Variants in SEMA5A observed in about 807,000 individuals in gnomAD.
SEMA5A encodes the protein semaphorin-5A.
A neutral mutation model predicts 135.5 loss-of-function variants in SEMA5A; 55 were observed. The observed-to-expected ratio is 0.41, with a 90% confidence interval of 0.33 to 0.51. SEMA5A has a LOEUF of 0.51. Among genes scored for constraint, SEMA5A ranks in the 20% least tolerant of loss-of-function variants. The probability of loss-of-function intolerance (pLI) is 0.37; values close to 1 mark genes in which losing one functional copy is unlikely to be tolerated. For synonymous variants in SEMA5A, 580 were observed against 546.5 expected, an observed-to-expected ratio of 1.06 and a Z score of -0.85; for missense variants, 1,290 against 1,419.9, an observed-to-expected ratio of 0.91 and a Z score of 1.47.
chr5:9,324,621 T>C (rs1177585585), intron 4 of SEMA5A, among the ~76,000 whole-genome samples: 2 of 152,192 alleles, frequency 1.3e-5, no homozygotes, highest in Non-Finnish European at 2.9e-5. Flanking sequence ...GTCAATGACC[T>C]ACAAAGTTAA....
chr5:9,504,235 A>C (rs1262281408), intron 1 of SEMA5A, among the ~76,000 whole-genome samples: 5 of 151,476 alleles, frequency 3.3e-5, no homozygotes, highest in Admixed American at 2.0e-4. Context: ...AAAAAAAAAA[A>C]AAAACAAAAG....
intron 21 of SEMA5A, among the ~76,000 whole-genome samples, 196 bp from the exon 22 acceptor site, chr5:9,044,780 A>C (rs2150027991): frequency 6.6e-6 from 1 of 150,840 alleles, no homozygotes; most frequent in East Asian, 2.0e-4. Context: ...GGAGCACAGG[A>C]TTATTATTAT....
intron 1 of SEMA5A, among the ~76,000 whole-genome samples, chr5:9,468,878 C>A (rs1470197312): frequency 6.6e-6 from 1 of 152,206 alleles, no homozygotes; most frequent in African/African-American, 2.4e-5. Context: ...TTCATACCTA[C>A]CGTCACATTG....
At chr5:9,445,879 C>G (rs1382359745) in intron 1 of SEMA5A, among the ~76,000 whole-genome samples, 1 of 152,132 alleles carries the variant, frequency 6.6e-6, no homozygotes, top group Non-Finnish European at 1.5e-5. Context: ...CTTTCCTGTA[C>G]AGAAGAGCAG....
At chr5:9,064,050 G>A (rs1315358587) in intron 17 of SEMA5A, among the ~76,000 whole-genome samples, 1 of 152,228 alleles carries the variant, frequency 6.6e-6, no homozygotes, top group Non-Finnish European at 1.5e-5. Flanking sequence ...GAAGACAAGT[G>A]TGCCAACAGC....
rs115227046 is a variant in SEMA5A, at chr5:9,168,015, A to C, written c.1274-13320T>G. ...GCAGAATAACCATGTTAAAAATTCT[A>C]TAGGTGTCCAGAGCACACAGGTCAC... On this transcript the variant is annotated intron_variant, in intron 11 of 22. Coordinates refer to ENST00000382496, the MANE Select transcript of SEMA5A (RefSeq NM_003966.3). 2.5e-3 allele frequency among the ~76,000 whole-genome samples: 384 copies of C among 152,276 alleles called. 2 individuals carry two copies. Among genetic ancestry groups the C allele is most frequent in the African/African-American group, 8.8e-3 (367 of 41,558 alleles).
At chr5:9,520,008 C>G (rs1463383190) in intron 1 of SEMA5A, 1 of 152,108 alleles carries the variant, frequency 6.6e-6, no homozygotes, top group Non-Finnish European at 1.5e-5. Context: ...TCATTGAATC[C>G]CACAATTCTC....
intron 8 of SEMA5A, among the ~76,000 whole-genome samples, chr5:9,207,662 C>T (rs1383788385): frequency 6.6e-6 from 1 of 152,124 alleles, no homozygotes; most frequent in Non-Finnish European, 1.5e-5. Flanking sequence ...GTATTGGGTA[C>T]ATTGTTTCCA....
chr5:9,542,758 T>C (rs1261803204), intron 1 of SEMA5A, among the ~76,000 whole-genome samples: 5 of 152,174 alleles, frequency 3.3e-5, no homozygotes, highest in Admixed American at 3.3e-4. Flanking sequence ...TATACTACTA[T>C]AAAAATGGAT....
chr5:9,384,383 C>T (rs538921272), intron 2 of SEMA5A, among the ~76,000 whole-genome samples: 7 of 152,106 alleles, frequency 4.6e-5, no homozygotes, highest in East Asian at 3.9e-4. Context: ...CATATAATCC[C>T]GTGTTCTGGG....
chr5:9,282,411 G>C (rs1008886686), intron 5 of SEMA5A, among the ~76,000 whole-genome samples: 1 of 152,170 alleles, frequency 6.6e-6, no homozygotes, highest in Non-Finnish European at 1.5e-5. Flanking sequence ...AGTAATGAAA[G>C]AGAAGAGGAT....
At chr5:9,185,736 C>G (rs1744767827) in intron 11 of SEMA5A, among the ~76,000 whole-genome samples, 1 of 152,140 alleles carries the variant, frequency 6.6e-6, no homozygotes, top group Non-Finnish European at 1.5e-5. Context: ...AAATGCTTTT[C>G]TAAACACTAG....
intron 5 of SEMA5A, among the ~76,000 whole-genome samples, chr5:9,317,839 T>C (rs1752458127): frequency 6.6e-6 from 1 of 152,152 alleles, no homozygotes; most frequent in Non-Finnish European, 1.5e-5. Flanking sequence ...AAATAAATAC[T>C]TCATTTAAGT....
intron 1 of SEMA5A, among the ~76,000 whole-genome samples, chr5:9,451,829 T>A (rs1202014117): frequency 1.3e-5 from 2 of 152,180 alleles, no homozygotes; most frequent in Non-Finnish European, 2.9e-5. Context: ...CCCGTCTTCT[T>A]TCCTGCACGG....
At chr5:9,414,148 T>C (rs895217348) in intron 2 of SEMA5A, among the ~76,000 whole-genome samples, 1 of 152,202 alleles carries the variant, frequency 6.6e-6, no homozygotes, top group Non-Finnish European at 1.5e-5. Flanking sequence ...AAATAACACA[T>C]ATAACATGTA....
rs373571029 is a variant in SEMA5A, at chr5:9,302,933, C to T, written c.270+15439G>A. ...TATGAATCAATCTAAATTTATTAGCCTTTGCTAGTGCTATAAGTCATGCAT... is the reference window on the plus strand; with the variant it reads ...TATGAATCAATCTAAATTTATTAGCTTTTGCTAGTGCTATAAGTCATGCAT... On this transcript the variant is annotated intron_variant, in intron 5 of 22. Transcript: ENST00000382496. Among the ~76,000 whole-genome samples, 103 of 152,094 alleles carry T rather than the reference C, an allele frequency of 6.8e-4. No homozygotes were observed. The South Asian group carries it at 0.018, about 27-fold the overall frequency.
At chr5:9,097,870 C>T (rs1395189296) in intron 16 of SEMA5A, among the ~76,000 whole-genome samples, 1 of 152,140 alleles carries the variant, frequency 6.6e-6, no homozygotes, top group African/African-American at 2.4e-5. Context: ...TTGCACAACA[C>T]AAAAAGGGAG....
At chr5:9,391,406 G>T (rs1343096000) in intron 2 of SEMA5A, among the ~76,000 whole-genome samples, 1 of 144,690 alleles carries the variant, frequency 6.9e-6, no homozygotes, top group Non-Finnish European at 1.5e-5. Flanking sequence ...CCTTCAACCT[G>T]TGCCTGAAAC....
intron 14 of SEMA5A, among the ~76,000 whole-genome samples, chr5:9,122,090 G>A (rs1740841415): frequency 6.6e-6 from 1 of 152,114 alleles, no homozygotes; most frequent in African/African-American, 2.4e-5. Context: ...GCAGGGGATG[G>A]AGAGCAAACA....
Sources: gnomAD v4.1 joint callset for allele counts (sites outside exome capture counted in the v4.1 genomes callset) on GRCh38, gnomAD v4.1.1 for gene constraint, MANE v1.5 for transcripts, NCBI Gene and HGNC (gene_info 2026-07-23, HGNC 2026-07-21) for gene names.